MEIOB: variants seen among roughly 807,000 people sequenced by gnomAD.
MEIOB encodes the protein meiosis specific with OB-fold, also known as meiosis-specific with OB domain-containing protein.
MEIOB carries 50 observed loss-of-function variants against 53.1 expected under a neutral mutation model. The observed-to-expected ratio is 0.94, with a 90% CI of 0.75 to 1.19. The LOEUF is 1.19. Among genes scored for constraint, MEIOB ranks in the 50% most tolerant of loss-of-function variants. The pLI is 0.00. For missense variants in MEIOB, 551 were observed against 550.8 expected (o/e 1.00, Z 0.00); for synonymous variants, 192 against 182.5 (o/e 1.05, Z -0.42).
At chr16:1,867,526 A>G (rs1899626193) in intron 2 of MEIOB, among the ~76,000 whole-genome samples, 2 of 120,986 alleles carry the variant, frequency 1.7e-5, no homozygotes, top group African/African-American at 3.3e-5. Context: ...CCCAGGCTGG[A>G]GTGCAATGGT....
intron 5 of MEIOB, among the ~76,000 whole-genome samples, chr16:1,859,449 G>A (rs1310669960): frequency 6.6e-6 from 1 of 152,168 alleles, no homozygotes; most frequent in East Asian, 1.9e-4. Context: ...GCTGAGGTGG[G>A]AGAATGGTTT....
chr16:1,857,772 T>C lies in MEIOB; in HGVS notation c.491A>G (p.Asn164Ser), dbSNP rs1440217354. Residue 164 changes from asparagine (N) to serine (S), a missense_variant, in exon 6 of 14, where the codon AAT (asparagine) becomes AGT (serine). Transcript: ENST00000325962. ...GDIVANGHSL[N>S]GRIINVLAAV... is the part of the protein sequence containing the mutation. Reference sequence around the variant, plus strand: ...TGCAAGCACGTTAATAATCCTCCCATTAAGACTGTGTCCATTTGCAACAAT... The same window carrying C: ...TGCAAGCACGTTAATAATCCTCCCACTAAGACTGTGTCCATTTGCAACAAT... 1.3e-6 allele frequency: 2 copies of C among 1,551,914 alleles called. No individual in the cohort carries two copies. The highest frequency in any genetic ancestry group is 1.7e-6 in the Non-Finnish European group (2 of 1,147,008).
At chr16:1,839,586 G>A (rs1898845482) in intron 11 of MEIOB, 148 bp from the exon 12 acceptor site, 8 of 634,308 alleles carry the variant, frequency 1.3e-5, no homozygotes, top group Non-Finnish European at 1.3e-5. Flanking sequence ...CAAGACAGTC[G>A]TAAAAAACAG....
chr16:1,853,699 G>T (rs1227635772), intron 7 of MEIOB, among the ~76,000 whole-genome samples: 1 of 152,186 alleles, frequency 6.6e-6, no homozygotes, highest in Admixed American at 6.5e-5. Flanking sequence ...TCTAGACAAT[G>T]CCTTGTTGTA....
intron 11 of MEIOB, among the ~76,000 whole-genome samples, chr16:1,840,541 A>AT (rs1898875334): frequency 2.8e-5 from 1 of 35,938 alleles, no homozygotes; most frequent in African/African-American, 1.2e-4. Context: ...GATCTCTCTT[A>AT]TTATTATTTT....
intron 13 of MEIOB, 83 bp downstream of exon 13, chr16:1,837,701 G>C: frequency 1.4e-6 from 1 of 709,290 alleles, no homozygotes; most frequent in Non-Finnish European, 2.2e-6. Context: ...ATAAATTCTC[G>C]AATTTATCTA....
At chr16:1,846,616 A>G (rs1846368041) in intron 9 of MEIOB, among the ~76,000 whole-genome samples, 1 of 152,192 alleles carries the variant, frequency 6.6e-6, no homozygotes, top group Non-Finnish European at 1.5e-5. Context: ...AATACAATGC[A>G]ACCATAAAAA....
intron 9 of MEIOB, among the ~76,000 whole-genome samples, chr16:1,849,010 C>T (rs1320636011): frequency 1.3e-5 from 2 of 152,002 alleles, no homozygotes; most frequent in African/African-American, 4.8e-5. Flanking sequence ...TCAGGTGGGG[C>T]ATGGTGGCTC....
At chr16:1,846,358 A>T (rs1022586133) in intron 9 of MEIOB, among the ~76,000 whole-genome samples, 1 of 152,156 alleles carries the variant, frequency 6.6e-6, no homozygotes, top group African/African-American at 2.4e-5. Flanking sequence ...TGTCAGAGAA[A>T]GGCAGGAATT....
intron 9 of MEIOB, among the ~76,000 whole-genome samples, chr16:1,851,375 G>T (rs1289975531): frequency 6.6e-6 from 1 of 152,114 alleles, no homozygotes; most frequent in Non-Finnish European, 1.5e-5. Flanking sequence ...CCACCTTGTG[G>T]CTCTCTAGGT....
At chr16:1,849,713 C>A (rs1899114933) in intron 9 of MEIOB, among the ~76,000 whole-genome samples, 1 of 151,954 alleles carries the variant, frequency 6.6e-6, no homozygotes, top group Non-Finnish European at 1.5e-5. Context: ...TTCGTGCATT[C>A]TCGCGAGTAT....
At chr16:1,837,666 A>G (rs931019129) in intron 13 of MEIOB, 118 bp downstream of exon 13, 1 of 556,856 alleles carries the variant, frequency 1.8e-6, no homozygotes, top group Non-Finnish European at 3.1e-6. Flanking sequence ...CCTTATGCAC[A>G]TCTGGGAACT....
chr16:1,840,641 C>T (rs1898881549), intron 11 of MEIOB, among the ~76,000 whole-genome samples: 1 of 151,894 alleles, frequency 6.6e-6, no homozygotes. Flanking sequence ...CTCTGCCTCC[C>T]AGGTCCACGC....
intron 13 of MEIOB, among the ~76,000 whole-genome samples, chr16:1,837,347 G>A (rs1245064852): frequency 6.6e-6 from 1 of 152,020 alleles, no homozygotes; most frequent in African/African-American, 2.4e-5. Context: ...GGGTGGGTGG[G>A]GGTGGGGACA....
intron 10 of MEIOB, among the ~76,000 whole-genome samples, chr16:1,842,604 C>G (rs1015142426): frequency 4.1e-5 from 3 of 73,514 alleles, no homozygotes; most frequent in Non-Finnish European, 8.1e-5. Context: ...GTCTGGGCAA[C>G]AAGAGCAAAA....
chr16:1,867,462 A>ATTTTTT (rs869208139), intron 2 of MEIOB, among the ~76,000 whole-genome samples: 1 of 102,930 alleles, frequency 9.7e-6, no homozygotes, highest in Non-Finnish European at 1.8e-5. Context: ...AAATGGTTTA[A>ATTTTTT]TTTTTTTTTT....
At chr16:1,845,526 A>G (rs1323271810) in intron 9 of MEIOB, among the ~76,000 whole-genome samples, 1 of 152,214 alleles carries the variant, frequency 6.6e-6, no homozygotes, top group African/African-American at 2.4e-5. Flanking sequence ...TCTAAAAAAA[A>G]AAATACATAT....
At chr16:1,870,157 C>T (rs935199743) in intron 1 of MEIOB, among the ~76,000 whole-genome samples, 8 of 152,186 alleles carry the variant, frequency 5.3e-5, no homozygotes, top group Non-Finnish European at 2.9e-5. Flanking sequence ...CAGGCGTGAG[C>T]CACTGAGCCC....
intron 9 of MEIOB, among the ~76,000 whole-genome samples, chr16:1,851,654 A>C (rs1371194472): frequency 1.3e-5 from 2 of 152,164 alleles, no homozygotes; most frequent in Non-Finnish European, 2.9e-5. Flanking sequence ...TGGATGTGCA[A>C]GATTCAGAGT....
Sources: gnomAD v4.1 joint callset for allele counts (sites outside exome capture counted in the v4.1 genomes callset) on GRCh38, gnomAD v4.1.1 for gene constraint, MANE v1.5 for transcripts, NCBI Gene and HGNC (gene_info 2026-07-23, HGNC 2026-07-21) for gene names.